The following BDH2 variants were observed in gnomAD, a reference collection of about 807,000 sequenced individuals.
The protein encoded by BDH2 is dehydrogenase/reductase SDR family member 6.
A neutral mutation model predicts 33.2 loss-of-function variants in BDH2; 24 were observed. The ratio of observed to expected loss-of-function variants is 0.72; its 90% CI spans 0.52 to 1.02. The LOEUF (loss-of-function observed/expected upper bound fraction) is 1.02, where lower values mean the gene tolerates loss of function less well. Among genes scored for constraint, BDH2 ranks in the 50% least tolerant of loss-of-function variants. BDH2 has a pLI of 0.00. For missense variants in BDH2, 249 were observed against 301.6 expected (o/e 0.83, Z 1.29); for synonymous variants, 81 against 101.6 (o/e 0.80, Z 1.22).
At chr4:103,095,794 T>A (rs1174393133) in intron 2 of BDH2, among the ~76,000 whole-genome samples, 1 of 152,324 alleles carries the variant, frequency 6.6e-6, no homozygotes, top group South Asian at 2.1e-4. Flanking sequence ...CAGAAATTGA[T>A]ATAAATCAGG....
Position 103,078,099 on chromosome 4 carries a change from A to C in BDH2, c.*1603T>G, listed in dbSNP as rs962666548. 1.3e-5 allele frequency among the ~76,000 whole-genome samples: 2 copies of C among 152,224 alleles called. No homozygotes were observed. Among genetic ancestry groups the C allele is most frequent in the African/African-American group, 4.8e-5 (2 of 41,454 alleles). ...AAAGTTCTAGGAAAAAAGGCTAAGA[A>C]TCACTGCACATTTATTGAGTATCTC... On this transcript the variant is annotated 3_prime_UTR_variant, in exon 10 of 10. Coordinates refer to ENST00000296424, the MANE Select transcript of BDH2 (RefSeq NM_020139.4).
In BDH2 at chr4:103,079,034, TC is replaced by T. The variant is rs1747385419; in HGVS notation, c.*667del. On this transcript the variant is annotated 3_prime_UTR_variant, in exon 10 of 10. Transcript: ENST00000296424. The stretch of plus-strand genomic sequence containing the variant: ...TCTCCCCCACAAAAAAACAAAAACT[TC>T]CTTTTTTCTTCATATTTACATTTTA... 6.6e-6 allele frequency among the ~76,000 whole-genome samples: 1 copy of T among 152,168 alleles called. No homozygotes were observed. The highest frequency in any genetic ancestry group is 6.5e-5 in the Admixed American group (1 of 15,280).
At chr4:103,085,281 C>T in intron 7 of BDH2, 68 bp downstream of exon 7, 1 of 1,261,474 alleles carries the variant, frequency 7.9e-7, no homozygotes, top group South Asian at 1.3e-5. Context: ...TAGGCAATAA[C>T]ATAAGCAAAT....
At chr4:103,092,307 C>A (rs1578507993) in intron 4 of BDH2, 1 of 316,054 alleles carries the variant, frequency 3.2e-6, no homozygotes, top group Non-Finnish European at 5.9e-6. Flanking sequence ...AATAGATGAT[C>A]AGAAATTATT....
At chr4:103,088,999 C>T (rs1322194125) in intron 5 of BDH2, among the ~76,000 whole-genome samples, 1 of 152,204 alleles carries the variant, frequency 6.6e-6, no homozygotes, top group Non-Finnish European at 1.5e-5. Flanking sequence ...CTGGATTCTG[C>T]ATTGACCTCT....
intron 9 of BDH2, 69 bp from the exon 10 acceptor site, chr4:103,079,824 C>T: frequency 6.9e-7 from 1 of 1,443,340 alleles, no homozygotes; most frequent in Admixed American, 1.7e-5. Context: ...TTGAAATTTT[C>T]CTGTGACTAG....
rs1165396403 is a variant in BDH2, at chr4:103,078,603, G to C, written c.*1099C>G. The stretch of plus-strand genomic sequence containing the variant: ...TAACAGGTCAACAATATCGTTTTGA[G>C]GCTGAACTCCTTTACTCCTTTTACT... On this transcript the variant is annotated 3_prime_UTR_variant, in exon 10 of 10. Coordinates refer to ENST00000296424, the MANE Select transcript of BDH2 (RefSeq NM_020139.4). Among the ~76,000 whole-genome samples the C allele has an allele frequency of 2.0e-5, 3 of 152,108 alleles. No individual in the cohort carries two copies. The highest frequency in any genetic ancestry group is 4.4e-5 in the Non-Finnish European group (3 of 68,016).
chr4:103,086,677 A>G lies in BDH2; in HGVS notation c.358-137T>C, dbSNP rs1255064000. The G allele has an allele frequency of 4.4e-6, 5 of 1,129,928 alleles. No homozygotes were observed. In the African/African-American group the frequency reaches 4.7e-5, roughly 11 times the overall value. 70.0% of individuals were successfully genotyped at this position (1,129,928 alleles called of 1,614,324 possible). ...GTATTAGCTAGTCACATTAAGCACTATTAAGCAGTCTTAACAGTGAACCCA... is the reference window on the plus strand; with the variant it reads ...GTATTAGCTAGTCACATTAAGCACTGTTAAGCAGTCTTAACAGTGAACCCA... On this transcript the variant is annotated intron_variant, in intron 5 of 9. Coordinates refer to ENST00000296424, the MANE Select transcript of BDH2 (RefSeq NM_020139.4).
Position 103,082,859 on chromosome 4 carries a change from T to C in BDH2, c.591+12A>G. 1 of 1,597,706 alleles carries C rather than the reference T, an allele frequency of 6.3e-7. No homozygotes were observed. Among genetic ancestry groups the C allele is most frequent in the Non-Finnish European group, 8.6e-7 (1 of 1,165,032 alleles). On this transcript the variant is annotated intron_variant, in intron 8 of 9. Coordinates refer to ENST00000296424, the MANE Select transcript of BDH2 (RefSeq NM_020139.4). ...ACAAAAGGTTTAAATACATTTTAAA[T>C]GCTAGATGTACCTCTTCAGGATTTC...
chr4:103,086,561 C>CAA lies in BDH2; in HGVS notation c.358-23_358-22dup, dbSNP rs3832316. 9,363 of 1,326,156 alleles carry CAA rather than the reference C, an allele frequency of 7.1e-3. 173 individuals carry two copies. The African/African-American group carries it at 0.099, about 14-fold the overall frequency. The allele number at this position is 1,326,156 out of a possible 1,614,324, so 82.1% of individuals were successfully genotyped here. On this transcript the variant is annotated intron_variant, in intron 5 of 9. Transcript: ENST00000296424. ...AGCATCTGCCAAAACAAAACAAATA[C>CAA]AAAAAAAAAAAAATCCACTTTGTGG...
intron 2 of BDH2, among the ~76,000 whole-genome samples, chr4:103,095,761 C>T (rs1748372465): frequency 6.6e-6 from 1 of 152,124 alleles, no homozygotes; most frequent in East Asian, 1.9e-4. Context: ...CCGATATTAG[C>T]TTAAGTGGGG....
At chr4:103,088,415 T>G (rs762811384) in intron 5 of BDH2, among the ~76,000 whole-genome samples, 1 of 152,180 alleles carries the variant, frequency 6.6e-6, no homozygotes, top group Non-Finnish European at 1.5e-5. Flanking sequence ...TAAGAGACAT[T>G]ACATTAGTGC....
intron 6 of BDH2, 179 bp downstream of exon 6, chr4:103,086,301 G>T: frequency 7.6e-7 from 1 of 1,321,382 alleles, no homozygotes; most frequent in East Asian, 2.8e-5. Flanking sequence ...TTTACCACTG[G>T]CTCACATCGA....
intron 5 of BDH2, among the ~76,000 whole-genome samples, chr4:103,090,157 G>C (rs1160767199): frequency 6.6e-6 from 1 of 152,156 alleles, no homozygotes; most frequent in Non-Finnish European, 1.5e-5. Flanking sequence ...ACCTTGAGTT[G>C]AGCTGGCTCT....
rs1747751491 is a variant in BDH2 at position 103,085,813 on chromosome 4, T to G, written c.419-351A>C. 3.9e-6 allele frequency: 5 copies of G among 1,292,718 alleles called. No homozygotes were observed. The Admixed American group carries it at 9.6e-5, about 25-fold the overall frequency. The allele number at this position is 1,292,718 out of a possible 1,614,324, so 80.1% of individuals were successfully genotyped here. ...ACAATAAAACAGGAGGCCTAGGCAC[T>G]TCTTTACATTCCTCTCTTGTGTATG... On this transcript the variant is annotated intron_variant, in intron 6 of 9. Coordinates refer to ENST00000296424, the MANE Select transcript of BDH2 (RefSeq NM_020139.4).
chr4:103,084,664 T>TA (rs1482526802), intron 7 of BDH2, among the ~76,000 whole-genome samples: 1 of 152,232 alleles, frequency 6.6e-6, no homozygotes, highest in African/African-American at 2.4e-5. Flanking sequence ...TTCTTAGCGT[T>TA]ACCTACGTTT....
chr4:103,091,104 G>C, intron 5 of BDH2, 73 bp downstream of exon 5: 1 of 863,816 alleles, frequency 1.2e-6, no homozygotes, highest in Non-Finnish European at 1.9e-6. Flanking sequence ...AGCACATGTG[G>C]GAATCCCTTC....
chr4:103,080,142 A>AT (rs1747436575), intron 9 of BDH2, among the ~76,000 whole-genome samples: 1 of 152,250 alleles, frequency 6.6e-6, no homozygotes, highest in Non-Finnish European at 1.5e-5. Context: ...ACTTTTGAAC[A>AT]TAAGTGTATC....
At position 103,079,046 on chromosome 4, in the gene BDH2, C is replaced by T. The variant is rs1449531530; in HGVS notation, c.*656G>A. ...AAAAACAAAAACTTCCTTTTTTCTT[C>T]ATATTTACATTTTAATTGTATATGC... is the stretch of plus-strand genomic sequence containing the variant. On this transcript the variant is annotated 3_prime_UTR_variant, in exon 10 of 10. Coordinates refer to ENST00000296424, the MANE Select transcript of BDH2 (RefSeq NM_020139.4). Among the ~76,000 whole-genome samples the T allele has an allele frequency of 3.9e-5, 6 of 152,154 alleles. No homozygotes were observed. The highest frequency in any genetic ancestry group is 7.4e-5 in the Non-Finnish European group (5 of 68,022).
Sources: gnomAD v4.1 joint callset for allele counts (sites outside exome capture counted in the v4.1 genomes callset) on GRCh38, gnomAD v4.1.1 for gene constraint, MANE v1.5 for transcripts, NCBI Gene and HGNC (gene_info 2026-07-23, HGNC 2026-07-21) for gene names.